The following OR1J2 variants were observed in gnomAD, a reference collection of about 807,000 sequenced individuals.
OR1J2 encodes olfactory receptor 1J2.
For missense variants in OR1J2, 304 were observed against 246.1 expected, an observed-to-expected ratio of 1.24 and a Z score of -1.57; for synonymous variants, 142 against 99.7, an observed-to-expected ratio of 1.42 and a Z score of -2.52.
At chr9:122,488,379 T>G in the OR1J2 span, among the ~76,000 whole-genome samples, 1 of 152,220 alleles carries the variant, frequency 6.6e-6, no homozygotes, top group African/African-American at 2.4e-5. Flanking sequence ...GCTCAGGTGA[T>G]CTGCCCGCCT....
chr9:122,467,175 C>T, the OR1J2 span, among the ~76,000 whole-genome samples: 1 of 152,178 alleles, frequency 6.6e-6, no homozygotes, highest in Middle Eastern at 3.4e-3. Context: ...TATTTTTCAT[C>T]CTTAATCCCC....
chr9:122,484,262 A>G, the OR1J2 span, among the ~76,000 whole-genome samples: 1 of 152,052 alleles, frequency 6.6e-6, no homozygotes, highest in Non-Finnish European at 1.5e-5. Flanking sequence ...CCTGGGTTCA[A>G]GAGATTCTCC....
chr9:122,520,402 A>G, the OR1J2 span, among the ~76,000 whole-genome samples: 3 of 152,200 alleles, frequency 2.0e-5, no homozygotes, highest in Admixed American at 2.0e-4. Context: ...GCCATAGAAA[A>G]GTTGAAGGAT....
chr9:122,493,571 G>C, the OR1J2 span, among the ~76,000 whole-genome samples: 2 of 152,000 alleles, frequency 1.3e-5, no homozygotes, highest in Non-Finnish European at 2.9e-5. Flanking sequence ...TTCTAATTGA[G>C]CTTATTTGGA....
chr9:122,526,320 A>G, the OR1J2 span: 501 of 1,321,116 alleles, frequency 3.8e-4, 4 homozygotes, highest in African/African-American at 6.4e-3. Context: ...TCTGACTCCA[A>G]GCCTATGTCT....
chr9:122,497,607 A>G, the OR1J2 span, among the ~76,000 whole-genome samples: 1 of 152,080 alleles, frequency 6.6e-6, no homozygotes, highest in East Asian at 1.9e-4. Flanking sequence ...TATTCTTTCA[A>G]AGAACCAACT....
chr9:122,490,458 C>G, the OR1J2 span, among the ~76,000 whole-genome samples: 3 of 152,114 alleles, frequency 2.0e-5, no homozygotes, highest in Admixed American at 1.3e-4. Flanking sequence ...CTTGTTTACC[C>G]TTAAAGGTAT....
At chr9:122,470,068 CTGCAG>C in the OR1J2 span, among the ~76,000 whole-genome samples, 1 of 152,204 alleles carries the variant, frequency 6.6e-6, no homozygotes, top group Admixed American at 6.5e-5. Context: ...TTCAAGCTGG[CTGCAG>C]ATACTTGCAT....
At chr9:122,486,182 A>T in the OR1J2 span, among the ~76,000 whole-genome samples, 1 of 151,394 alleles carries the variant, frequency 6.6e-6, no homozygotes, top group East Asian at 1.9e-4. Context: ...CTGGCCTTGA[A>T]CTCCTGACAT....
chr9:122,565,365 G>T, the OR1J2 span, among the ~76,000 whole-genome samples: 1 of 152,162 alleles, frequency 6.6e-6, no homozygotes, highest in African/African-American at 2.4e-5. Context: ...TGGATAGGAT[G>T]ACCCGTTTTG....
upstream of OR1J2, among the ~76,000 whole-genome samples, chr9:122,505,885 CT>C (rs1449393847): frequency 7.3e-5 from 11 of 151,714 alleles, no homozygotes; most frequent in African/African-American, 2.7e-4. Context: ...TCCTTCTCTC[CT>C]TTTTTCATTT....
At chr9:122,486,226 C>T in the OR1J2 span, among the ~76,000 whole-genome samples, 26 of 152,276 alleles carry the variant, frequency 1.7e-4, no homozygotes, top group African/African-American at 6.3e-4. Flanking sequence ...TCCCAAAGTG[C>T]TGGGATTACA....
At chr9:122,558,277 G>A in the OR1J2 span, among the ~76,000 whole-genome samples, 5 of 126,286 alleles carry the variant, frequency 4.0e-5, no homozygotes, top group Non-Finnish European at 8.5e-5. Flanking sequence ...TAGTTTCCTA[G>A]TGGGGAAGCT....
chr9:122,506,113 A>C (rs1444602676), upstream of OR1J2, among the ~76,000 whole-genome samples: 2 of 152,298 alleles, frequency 1.3e-5, no homozygotes, highest in Non-Finnish European at 2.9e-5. Context: ...CTAAATTCTC[A>C]GAGCCCAGCA....
At chr9:122,553,490 G>A in the OR1J2 span, 1 of 1,614,090 alleles carries the variant, frequency 6.2e-7, no homozygotes, top group Non-Finnish European at 8.5e-7. Context: ...CCCAGAGTCA[G>A]ATCATCTCGT....
the OR1J2 span, among the ~76,000 whole-genome samples, chr9:122,536,818 A>G: frequency 5.9e-4 from 90 of 152,296 alleles, no homozygotes; most frequent in African/African-American, 2.0e-3. Flanking sequence ...TGAATAGGGT[A>G]TCCTTTCCCC....
chr9:122,561,316 C>T, the OR1J2 span, among the ~76,000 whole-genome samples: 2 of 152,220 alleles, frequency 1.3e-5, no homozygotes, highest in East Asian at 3.9e-4. Flanking sequence ...TTGTTATTAC[C>T]CACCTTCTGA....
At chr9:122,531,512 A>G in the OR1J2 span, among the ~76,000 whole-genome samples, 1 of 152,160 alleles carries the variant, frequency 6.6e-6, no homozygotes, top group African/African-American at 2.4e-5. Flanking sequence ...ACTGGGGCCT[A>G]ATAAAAAGGA....
At chr9:122,456,172 G>C in the OR1J2 span, among the ~76,000 whole-genome samples, 1 of 152,138 alleles carries the variant, frequency 6.6e-6, no homozygotes, top group Admixed American at 6.5e-5. Flanking sequence ...GTTTTGACTA[G>C]GGAGGAAGAG....
Sources: allele counts gnomAD v4.1 joint callset (sites outside exome capture counted in the v4.1 genomes callset), GRCh38; gene constraint gnomAD v4.1.1; transcripts MANE v1.5; gene names NCBI Gene and HGNC (gene_info 2026-07-23, HGNC 2026-07-21).